Variants in ZNF329 observed in about 807,000 individuals in gnomAD.
The protein encoded by ZNF329 is zinc finger protein 329.
In ZNF329, 15 loss-of-function variants were observed where a neutral mutation model predicts 26.6. The ratio of observed to expected loss-of-function variants is 0.56; its 90% CI spans 0.38 to 0.87. ZNF329 has a LOEUF of 0.87. ZNF329 is among the 40% of genes least tolerant of loss of function. ZNF329 has a pLI of 0.00. For synonymous variants in ZNF329, 239 were observed against 233.5 expected, an observed-to-expected ratio of 1.02 and a Z score of -0.21; for missense variants, 651 against 651.9, an observed-to-expected ratio of 1.00 and a Z score of 0.02.
intron 3 of ZNF329, among the ~76,000 whole-genome samples, chr19:58,141,658 G>A (rs2075191707): frequency 6.6e-6 from 1 of 152,084 alleles, no homozygotes; most frequent in South Asian, 2.1e-4. Flanking sequence ...TTGGGTGGCT[G>A]AGGCAGGTGG....
At chr19:58,141,434 G>C (rs2075185352) in intron 3 of ZNF329, among the ~76,000 whole-genome samples, 1 of 152,096 alleles carries the variant, frequency 6.6e-6, no homozygotes. Flanking sequence ...GAGTACCTGG[G>C]ATTACAGGCA....
upstream of ZNF329, among the ~76,000 whole-genome samples, chr19:58,153,889 G>A (rs2075499997): frequency 6.6e-6 from 1 of 151,968 alleles, no homozygotes; most frequent in Non-Finnish European, 1.5e-5. Flanking sequence ...TTTTAGTACA[G>A]ATGGGGTCTC....
chr19:58,150,057 T>TC (rs1288419121), intron 1 of ZNF329, among the ~76,000 whole-genome samples: 6 of 152,202 alleles, frequency 3.9e-5, no homozygotes. Flanking sequence ...CACAAGTCTT[T>TC]CAGCTTCTCT....
At chr19:58,135,561 C>G (rs1453157472) in intron 3 of ZNF329, among the ~76,000 whole-genome samples, 1 of 152,030 alleles carries the variant, frequency 6.6e-6, no homozygotes, top group African/African-American at 2.4e-5. Flanking sequence ...CCACTGCACC[C>G]GGCAGGTGGG....
At chr19:58,138,016 C>T (rs962922282) in intron 3 of ZNF329, among the ~76,000 whole-genome samples, 2 of 151,920 alleles carry the variant, frequency 1.3e-5, no homozygotes, top group Non-Finnish European at 2.9e-5. Context: ...CAAAAATGAA[C>T]ACATAAGTGA....
chr19:58,148,771 C>A (rs1448129067), intron 1 of ZNF329, among the ~76,000 whole-genome samples: 1 of 152,166 alleles, frequency 6.6e-6, no homozygotes, highest in Non-Finnish European at 1.5e-5. Context: ...GGTATGATAT[C>A]TATAACATAC....
chr19:58,128,647 G>T lies in ZNF329; in HGVS notation c.857C>A (p.Pro286His), dbSNP rs762700926. ...QHQRIHTGEK[P>H]YECLECGKTF... ...TTTTCCACACTCTAGGCATTCATAA[G>T]GTTTCTCGCCTGTGTGAATTCTCTG... The change falls in exon 4 of 4, where the codon CCT (proline) becomes CAT (histidine). Residue 286 changes from proline (P) to histidine (H), a missense_variant. By Grantham distance (77) the Pro-to-His change is moderately conservative (BLOSUM62 -2). Transcript: ENST00000598312. 1.9e-6 allele frequency: 3 copies of T among 1,604,532 alleles called. No individual in the cohort carries two copies. The highest frequency in any genetic ancestry group is 2.7e-5 in the African/African-American group (2 of 74,640).
rs144533736 is a variant in ZNF329 at position 58,141,820 on chromosome 19, G to C, written c.-9+737C>G. Among the ~76,000 whole-genome samples the C allele has an allele frequency of 2.3e-3, 355 of 152,016 alleles. 3 individuals are homozygous for C. Among genetic ancestry groups the C allele is most frequent in the African/African-American group, 8.2e-3 (340 of 41,484 alleles). ...AGGCAGGAGAATCGCTTGAACCCAAGAGGCGGAGGTTGCAGTGAGCCGAGA... is the reference window on the plus strand; with the variant it reads ...AGGCAGGAGAATCGCTTGAACCCAACAGGCGGAGGTTGCAGTGAGCCGAGA... On this transcript the variant is annotated intron_variant, in intron 3 of 3. Transcript: ENST00000598312.
intron 3 of ZNF329, among the ~76,000 whole-genome samples, chr19:58,135,325 C>A (rs930173107): frequency 6.6e-6 from 1 of 151,952 alleles, no homozygotes; most frequent in Non-Finnish European, 1.5e-5. Flanking sequence ...GGCTAGAGTG[C>A]AGTGGCACGA....
chr19:58,146,786 C>T (rs995758465), intron 1 of ZNF329, among the ~76,000 whole-genome samples: 12 of 152,102 alleles, frequency 7.9e-5, no homozygotes, highest in South Asian at 2.1e-4. Context: ...CTCCTAACCA[C>T]GAGTGATCCG....
intron 3 of ZNF329, among the ~76,000 whole-genome samples, chr19:58,137,807 TACAA>T (rs1409940139): frequency 6.4e-5 from 1 of 15,614 alleles, no homozygotes; most frequent in Non-Finnish European, 1.4e-4. Flanking sequence ...CTACAAAAAA[TACAA>T]AAAAAAAAAA....
rs763141451 is a variant in ZNF329 at position 58,128,427 on chromosome 19, G to C, written c.1077C>G (p.Thr359=). 6.2e-7 allele frequency: 1 copy of C among 1,613,834 alleles called. No individual in the cohort carries two copies. The highest frequency in any genetic ancestry group is 8.5e-7 in the Non-Finnish European group (1 of 1,179,918). ...CTCCAGTGTGAGTCCTCTCATGCTG[G>C]GTGAGGTACGAGCCGTCCCGGAAAG... The part of the protein sequence containing the change: ...GKAFRDGSYL[T]QHERTHTGEK... Residue 359 remains threonine, a synonymous_variant, in exon 4 of 4, where the codon ACC becomes ACG. Transcript: ENST00000598312.
rs2074820168 is a variant in ZNF329 at position 58,127,135 on chromosome 19, CATT to C, written c.*740_*742del. The C allele has an allele frequency of 6.6e-6, 1 of 152,222 alleles. No homozygotes were observed. The highest frequency in any genetic ancestry group is 6.5e-5 in the Admixed American group (1 of 15,282). The allele number at this position is 152,222 out of a possible 1,614,324, so 9.4% of individuals were successfully genotyped here. On this transcript the variant is annotated 3_prime_UTR_variant, in exon 4 of 4. Coordinates refer to ENST00000598312, the MANE Select transcript of ZNF329 (RefSeq NM_024620.4). ...CAGTACAGCACTGTGTGGACTCTCTCATTGTACACCTTTGTTGTTACAGAAAAC... is the reference window on the plus strand; with the variant it reads ...CAGTACAGCACTGTGTGGACTCTCTCGTACACCTTTGTTGTTACAGAAAAC...
chr19:58,128,307 A>G lies in ZNF329; in HGVS notation c.1197T>C (p.Tyr399=). 1.9e-6 allele frequency: 3 copies of G among 1,613,782 alleles called. No individual in the cohort carries two copies. The highest frequency in any genetic ancestry group is 2.5e-6 in the Non-Finnish European group (3 of 1,179,830). Residue 399 remains tyrosine, a synonymous_variant, in exon 4 of 4, where the codon TAT becomes TAC. Transcript: ENST00000598312. ...AAGTCTTGCCACATTCTTTACATTC[A>G]TAGGGTTTCTCCCCAGAATGGATCT... ...HQKIHSGEKP[Y]ECKECGKTFI...
intron 3 of ZNF329, among the ~76,000 whole-genome samples, chr19:58,140,118 G>C (rs1340245532): frequency 6.6e-6 from 1 of 152,094 alleles, no homozygotes. Flanking sequence ...TACCAGGAGG[G>C]GTTTGGGTCA....
chr19:58,132,663 G>C (rs1600057962), intron 3 of ZNF329: 1 of 142,790 alleles, frequency 7.0e-6, no homozygotes. Context: ...CTGGGGGACA[G>C]AGCGAGACTC....
chr19:58,140,397 C>T (rs1483475690), intron 3 of ZNF329, among the ~76,000 whole-genome samples: 1 of 148,824 alleles, frequency 6.7e-6, no homozygotes, highest in African/African-American at 2.5e-5. Context: ...ATAAAAGCTA[C>T]AACTATAAAA....
rs1316225206 is a variant in ZNF329, at chr19:58,139,225, C to A, written c.-9+3332G>T. On this transcript the variant is annotated intron_variant, in intron 3 of 3. Coordinates refer to ENST00000598312, the MANE Select transcript of ZNF329 (RefSeq NM_024620.4). ...TGTTGAAATAAAACTTAAACACCACCAAGAAAGTGAAAACACAACCCACCA... is the reference window on the plus strand; with the variant it reads ...TGTTGAAATAAAACTTAAACACCACAAAGAAAGTGAAAACACAACCCACCA... Among the ~76,000 whole-genome samples the A allele has an allele frequency of 1.1e-4, 16 of 151,724 alleles. 1 individual carries two copies. The highest frequency in any genetic ancestry group is 9.9e-4 in the Admixed American group (15 of 15,228).
Position 58,127,841 on chromosome 19 carries a change from T to A in ZNF329, c.*37A>T, listed in dbSNP as rs758812297. 5 of 1,534,044 alleles carry A rather than the reference T, an allele frequency of 3.3e-6. No individual in the cohort carries two copies. The highest frequency in any genetic ancestry group is 1.4e-5 in the African/African-American group (1 of 72,466). On this transcript the variant is annotated 3_prime_UTR_variant, in exon 4 of 4. Coordinates refer to ENST00000598312, the MANE Select transcript of ZNF329 (RefSeq NM_024620.4). The stretch of plus-strand genomic sequence containing the variant: ...AAGACACGCCTCCTAAACACAGGAG[T>A]GAGAGTGAACTGGAAGACTCATGTG...
Sources: gnomAD v4.1 joint callset for allele counts (sites outside exome capture counted in the v4.1 genomes callset) on GRCh38, gnomAD v4.1.1 for gene constraint, MANE v1.5 for transcripts, NCBI Gene and HGNC (gene_info 2026-07-23, HGNC 2026-07-21) for gene names.